GPC5: variants seen among roughly 807,000 people sequenced by gnomAD.
The protein encoded by GPC5 is glypican-5.
In GPC5, 47 loss-of-function variants were observed where a neutral mutation model predicts 53.9. The ratio of observed to expected loss-of-function variants is 0.87; its 90% CI spans 0.69 to 1.11. The LOEUF (loss-of-function observed/expected upper bound fraction) is 1.11, where lower values mean the gene tolerates loss of function less well. GPC5 is among the 50% of genes most tolerant of loss of function. GPC5 has a pLI of 0.00. For synonymous variants in GPC5, 286 were observed against 263.3 expected, an observed-to-expected ratio of 1.09 and a Z score of -0.84; for missense variants, 748 against 713.1, an observed-to-expected ratio of 1.05 and a Z score of -0.56.
intron 5 of GPC5, among the ~76,000 whole-genome samples, chr13:91,868,527 A>G (rs992387556): frequency 6.6e-6 from 1 of 152,062 alleles, no homozygotes; most frequent in African/African-American, 2.4e-5. Flanking sequence ...TAATATAGCA[A>G]AAAACCCTGT....
At chr13:92,474,099 GTTTC>G (rs2139425037) in intron 7 of GPC5, among the ~76,000 whole-genome samples, 1 of 151,030 alleles carries the variant, frequency 6.6e-6, no homozygotes, top group East Asian at 2.0e-4. Context: ...AGCATAAACT[GTTTC>G]TTTCTAGGAT....
intron 6 of GPC5, among the ~76,000 whole-genome samples, chr13:92,046,260 C>A (rs1041168654): frequency 6.6e-6 from 1 of 152,026 alleles, no homozygotes; most frequent in Non-Finnish European, 1.5e-5. Context: ...TTTCTTTATA[C>A]CATTGTGTTC....
At chr13:92,857,589 C>T (rs1879042336) in intron 7 of GPC5, among the ~76,000 whole-genome samples, 1 of 152,010 alleles carries the variant, frequency 6.6e-6, no homozygotes, top group Non-Finnish European at 1.5e-5. Flanking sequence ...GTCTACTATC[C>T]AGAGTCTATA....
At chr13:92,854,515 T>C (rs569317297) in intron 7 of GPC5, among the ~76,000 whole-genome samples, 1 of 151,948 alleles carries the variant, frequency 6.6e-6, no homozygotes, top group East Asian at 1.9e-4. Context: ...GCGATTTTAC[T>C]ATTAAAACCC....
chr13:92,824,218 C>T (rs1003701631), intron 7 of GPC5, among the ~76,000 whole-genome samples: 13 of 151,796 alleles, frequency 8.6e-5, no homozygotes, highest in African/African-American at 3.1e-4. Context: ...ATTCCACCTA[C>T]CTAGTCAGTA....
intron 7 of GPC5, among the ~76,000 whole-genome samples, chr13:92,769,344 T>C (rs1308849433): frequency 6.6e-6 from 1 of 152,130 alleles, no homozygotes; most frequent in Non-Finnish European, 1.5e-5. Context: ...TTCTATATAC[T>C]GCAATGTCAT....
intron 2 of GPC5, among the ~76,000 whole-genome samples, chr13:91,553,073 G>A (rs2030741008): frequency 6.6e-6 from 1 of 152,094 alleles, no homozygotes; most frequent in Non-Finnish European, 1.5e-5. Flanking sequence ...TTGATTTGAT[G>A]AAATATGGTA....
intron 7 of GPC5, among the ~76,000 whole-genome samples, chr13:92,778,200 G>T (rs1326319731): frequency 6.6e-6 from 1 of 152,010 alleles, no homozygotes; most frequent in East Asian, 1.9e-4. Context: ...ATAACATGGT[G>T]ATCTGAGTGA....
rs1403106237 is a variant in GPC5, at chr13:91,934,768, C to T, written c.1401+26711C>T. 2.0e-5 allele frequency among the ~76,000 whole-genome samples: 3 copies of T among 152,012 alleles called. No homozygotes were observed. In the East Asian group the frequency reaches 5.8e-4, roughly 29 times the overall value. On this transcript the variant is annotated intron_variant, in intron 6 of 7. Transcript: ENST00000377067. ...AGAGTTCCCATATTCCTTGCAGAGGCAACGGGACCCCAGATGATATCACTT... is the reference window on the plus strand; with the variant it reads ...AGAGTTCCCATATTCCTTGCAGAGGTAACGGGACCCCAGATGATATCACTT...
At chr13:92,517,519 G>A (rs1880842823) in intron 7 of GPC5, among the ~76,000 whole-genome samples, 1 of 152,114 alleles carries the variant, frequency 6.6e-6, no homozygotes, top group Non-Finnish European at 1.5e-5. Flanking sequence ...AGCAACATTT[G>A]CTGTTATATT....
intron 7 of GPC5, among the ~76,000 whole-genome samples, chr13:92,334,941 C>T (rs995187682): frequency 1.6e-4 from 24 of 152,196 alleles, no homozygotes; most frequent in African/African-American, 4.3e-4. Flanking sequence ...CACAGGCTGG[C>T]GCTGAGTGTC....
intron 2 of GPC5, among the ~76,000 whole-genome samples, chr13:91,600,587 G>A (rs1006574131): frequency 8.6e-5 from 13 of 151,718 alleles, no homozygotes; most frequent in Non-Finnish European, 4.4e-5. Context: ...GAATCAAAAA[G>A]ACCCCATTAT....
intron 5 of GPC5, among the ~76,000 whole-genome samples, chr13:91,860,277 G>A (rs1006415278): frequency 6.6e-6 from 1 of 151,844 alleles, no homozygotes; most frequent in Non-Finnish European, 1.5e-5. Flanking sequence ...ACTTCTATAA[G>A]ATCAAAATAT....
At chr13:91,429,827 C>G (rs1879307212) in intron 1 of GPC5, among the ~76,000 whole-genome samples, 1 of 152,164 alleles carries the variant, frequency 6.6e-6, no homozygotes. Flanking sequence ...AGCAGTTTGC[C>G]TTCTCCTCTT....
intron 2 of GPC5, among the ~76,000 whole-genome samples, chr13:91,456,390 G>T (rs1881554922): frequency 2.0e-5 from 3 of 150,884 alleles, no homozygotes; most frequent in South Asian, 2.1e-4. Context: ...TGCAATCCAT[G>T]GAAAGAAATA....
At chr13:92,381,880 T>TTATA (rs1555331656) in intron 7 of GPC5, among the ~76,000 whole-genome samples, 7 of 43,014 alleles carry the variant, frequency 1.6e-4, no homozygotes, top group South Asian at 5.7e-4. Context: ...ATATATATGA[T>TTATA]TATATATATT....
At chr13:91,409,849 T>G (rs941790925) in intron 1 of GPC5, among the ~76,000 whole-genome samples, 2 of 152,180 alleles carry the variant, frequency 1.3e-5, no homozygotes, top group African/African-American at 4.8e-5. Flanking sequence ...TGGTCAACCC[T>G]TGTCCACCTC....
At chr13:91,770,163 C>A (rs2037595849) in intron 5 of GPC5, among the ~76,000 whole-genome samples, 1 of 152,050 alleles carries the variant, frequency 6.6e-6, no homozygotes, top group African/African-American at 2.4e-5. Context: ...TCATGAACAG[C>A]CAAAGGGAAT....
rs547857867 is a variant in GPC5 at position 92,354,934 on chromosome 13, C to T, written c.1561+209945C>T. Among the ~76,000 whole-genome samples, 8 of 151,902 alleles carry T rather than the reference C, an allele frequency of 5.3e-5. No homozygotes were observed. The East Asian group carries it at 1.6e-3, about 29-fold the overall frequency. ...GAAGGGAGATGGAATTGAGTTACCT[C>T]CTTGAGGAGCAATTAATAGATTGAA... On this transcript the variant is annotated intron_variant, in intron 7 of 7. Transcript: ENST00000377067.
Sources: allele counts gnomAD v4.1 joint callset (sites outside exome capture counted in the v4.1 genomes callset), GRCh38; gene constraint gnomAD v4.1.1; transcripts MANE v1.5; gene names NCBI Gene and HGNC (gene_info 2026-07-23, HGNC 2026-07-21).